The following DYNC1I1 variants were observed in gnomAD, a reference collection of about 807,000 sequenced individuals.
DYNC1I1 encodes dynein cytoplasmic 1 intermediate chain 1.
In DYNC1I1, 43 loss-of-function variants were observed where a neutral mutation model predicts 86.6. That is an observed-to-expected ratio of 0.50 (90% CI 0.39 to 0.64). The LOEUF (loss-of-function observed/expected upper bound fraction) is 0.64. Among genes scored for constraint, DYNC1I1 ranks in the 30% least tolerant of loss-of-function variants. DYNC1I1 has a pLI of 0.00. For synonymous variants in DYNC1I1, 262 were observed against 283.7 expected, an observed-to-expected ratio of 0.92 and a Z score of 0.77; for missense variants, 604 against 788.8, an observed-to-expected ratio of 0.77 and a Z score of 2.81.
At chr7:95,893,923 T>G (rs1276017381) in intron 6 of DYNC1I1, among the ~76,000 whole-genome samples, 1 of 152,154 alleles carries the variant, frequency 6.6e-6, no homozygotes, top group Non-Finnish European at 1.5e-5. Flanking sequence ...GTCTGCCCTG[T>G]GAAAGACTGA....
At chr7:95,842,727 C>T (rs1267952474) in intron 5 of DYNC1I1, among the ~76,000 whole-genome samples, 1 of 152,182 alleles carries the variant, frequency 6.6e-6, no homozygotes, top group Non-Finnish European at 1.5e-5. Context: ...ATACAGAAAT[C>T]TCTCCACTAG....
At chr7:95,873,974 T>C (rs1183285465) in intron 6 of DYNC1I1, among the ~76,000 whole-genome samples, 2 of 152,184 alleles carry the variant, frequency 1.3e-5, no homozygotes, top group African/African-American at 4.8e-5. Flanking sequence ...TAGATACTTA[T>C]CACAAGCAGA....
chr7:96,059,889 A>G (rs1048843734), intron 14 of DYNC1I1, among the ~76,000 whole-genome samples: 1 of 152,210 alleles, frequency 6.6e-6, no homozygotes, highest in African/African-American at 2.4e-5. Context: ...TGAAAAGCTA[A>G]TCAGTGGTCA....
At chr7:95,778,888 C>A (rs1793914584) in intron 1 of DYNC1I1, among the ~76,000 whole-genome samples, 1 of 152,000 alleles carries the variant, frequency 6.6e-6, no homozygotes, top group Non-Finnish European at 1.5e-5. Context: ...TGGTCTTGAA[C>A]TTGTGGCTTC....
rs528166271 is a variant in DYNC1I1 at position 96,087,269 on chromosome 7, G to T, written c.1776+6781G>T. ...GAAAAGTTAAACTTAGATTTGGGAG[G>T]TTAATTCAAACAAGAGTCCCTTAAT... On this transcript the variant is annotated intron_variant, in intron 16 of 16. Transcript: ENST00000447467. Among the ~76,000 whole-genome samples the T allele has an allele frequency of 1.8e-3, 278 of 152,266 alleles. 2 individuals carry two copies. The highest frequency in any genetic ancestry group is 6.3e-3 in the African/African-American group (262 of 41,548).
At chr7:95,792,369 T>A (rs1223235175) in intron 1 of DYNC1I1, among the ~76,000 whole-genome samples, 1 of 152,162 alleles carries the variant, frequency 6.6e-6, no homozygotes. Flanking sequence ...TGCAGGAAGG[T>A]CTCTCTGACC....
chr7:95,922,337 G>T (rs1290183913), intron 6 of DYNC1I1, among the ~76,000 whole-genome samples: 1 of 152,106 alleles, frequency 6.6e-6, no homozygotes, highest in African/African-American at 2.4e-5. Flanking sequence ...GGACACAGAA[G>T]GCAAAACTCT....
chr7:95,904,225 T>C (rs1384802238), intron 6 of DYNC1I1, among the ~76,000 whole-genome samples: 5 of 152,140 alleles, frequency 3.3e-5, no homozygotes, highest in African/African-American at 1.2e-4. Context: ...TCCAGAGTAC[T>C]GTTACCAAGG....
chr7:96,047,140 C>T lies in DYNC1I1; in HGVS notation c.1509+7719C>T, dbSNP rs183761061. ...TCACATGGAAGAAGGGGCTAACAGG[C>T]TCCTTGAAGCCTCTTTTATAAGGAT... On this transcript the variant is annotated intron_variant, in intron 14 of 16. Transcript: ENST00000447467. Among the ~76,000 whole-genome samples the T allele has an allele frequency of 2.0e-5, 3 of 152,230 alleles. No homozygotes were observed. The East Asian group carries it at 5.8e-4, about 29-fold the overall frequency.
intron 6 of DYNC1I1, among the ~76,000 whole-genome samples, chr7:95,937,783 C>T (rs1792087853): frequency 6.6e-6 from 1 of 151,850 alleles, no homozygotes; most frequent in Non-Finnish European, 1.5e-5. Context: ...ATTACAATGA[C>T]AATCCATTTT....
intron 16 of DYNC1I1, among the ~76,000 whole-genome samples, chr7:96,083,691 G>T (rs1416826785): frequency 2.6e-5 from 4 of 152,188 alleles, no homozygotes; most frequent in Non-Finnish European, 5.9e-5. Context: ...ATGACTGACT[G>T]CAGGAAGGGT....
chr7:96,103,644 G>A (rs1214741644), intron 16 of DYNC1I1, among the ~76,000 whole-genome samples: 1 of 148,760 alleles, frequency 6.7e-6, no homozygotes, highest in Non-Finnish European at 1.5e-5. Context: ...ACGGAGTCTC[G>A]CTCTGTCGCC....
intron 1 of DYNC1I1, 28 bp from the exon 2 acceptor site, chr7:95,804,693 G>T (rs747154553): frequency 1.9e-5 from 29 of 1,542,026 alleles, no homozygotes; most frequent in Non-Finnish European, 2.2e-5. Context: ...TTATATATAT[G>T]TTCACTTTTT....
chr7:96,106,054 A>C (rs187275612), intron 16 of DYNC1I1, among the ~76,000 whole-genome samples: 1 of 152,144 alleles, frequency 6.6e-6, no homozygotes. Context: ...AGGTCTTGCT[A>C]GGAGAGTTAT....
chr7:95,851,717 T>C (rs1448181356), intron 5 of DYNC1I1, among the ~76,000 whole-genome samples: 2 of 152,192 alleles, frequency 1.3e-5, no homozygotes, highest in Admixed American at 6.5e-5. Flanking sequence ...CAGGCTGGTG[T>C]GCAATGTCAT....
At chr7:95,934,716 T>A (rs1246908408) in intron 6 of DYNC1I1, among the ~76,000 whole-genome samples, 2 of 152,020 alleles carry the variant, frequency 1.3e-5, no homozygotes, top group Admixed American at 1.3e-4. Context: ...TTTTACTTGT[T>A]TTAAAATCCC....
At chr7:95,817,214 TA>T (rs34412998) in intron 4 of DYNC1I1, among the ~76,000 whole-genome samples, 17,861 of 138,566 alleles carry the variant, frequency 0.13, 988 homozygotes, top group South Asian at 0.15. Context: ...CATCCAAGAT[TA>T]AAAAAAAAAA....
chr7:95,798,406 C>G (rs1417344113), intron 1 of DYNC1I1, among the ~76,000 whole-genome samples: 1 of 151,690 alleles, frequency 6.6e-6, no homozygotes, highest in African/African-American at 2.4e-5. Flanking sequence ...GCCTCCCATC[C>G]AAGTGGAAAG....
intron 6 of DYNC1I1, among the ~76,000 whole-genome samples, chr7:95,901,117 G>A (rs747878917): frequency 2.2e-4 from 34 of 152,266 alleles, no homozygotes; most frequent in African/African-American, 6.5e-4. Context: ...CAGAGCCTCC[G>A]GCAAAGGCAG....
Sources: allele counts gnomAD v4.1 joint callset (sites outside exome capture counted in the v4.1 genomes callset), GRCh38; gene constraint gnomAD v4.1.1; transcripts MANE v1.5; gene names NCBI Gene and HGNC (gene_info 2026-07-23, HGNC 2026-07-21).